Variants in TUSC3 observed in about 807,000 individuals in gnomAD.
TUSC3 encodes the protein tumor suppressor candidate 3.
A neutral mutation model predicts 44.8 loss-of-function variants in TUSC3; 45 were observed. That is an observed-to-expected ratio of 1.00 (90% CI 0.79 to 1.29). The LOEUF (loss-of-function observed/expected upper bound fraction) is 1.29, where lower values mean the gene tolerates loss of function less well. Among genes scored for constraint, TUSC3 ranks in the 50% most tolerant of loss-of-function variants. The pLI is 0.00. For synonymous variants in TUSC3, 212 were observed against 152.9 expected, an observed-to-expected ratio of 1.39 and a Z score of -2.85; for missense variants, 519 against 437.9, an observed-to-expected ratio of 1.19 and a Z score of -1.65.
intron 2 of TUSC3, among the ~76,000 whole-genome samples, chr8:15,525,815 A>C (rs1801366092): frequency 6.6e-6 from 1 of 152,164 alleles, no homozygotes; most frequent in South Asian, 2.1e-4. Context: ...CACAGGTGCA[A>C]AAGTGTGTGC....
the TUSC3 span, among the ~76,000 whole-genome samples, chr8:15,822,892 G>A: frequency 7.0e-3 from 1,059 of 152,210 alleles, 19 homozygotes; most frequent in African/African-American, 0.025. Flanking sequence ...GGGGGCAAAA[G>A]CTTGTTTGCA....
intron 8 of TUSC3, 127 bp from the exon 9 acceptor site, chr8:15,748,235 AATACCTGTTTGTT>A: frequency 1.4e-6 from 1 of 708,684 alleles, no homozygotes; most frequent in South Asian, 1.5e-5. Context: ...CCTGTATCCA[AATACCTGTTTGTT>A]GTACCTGTAT....
intron 1 of TUSC3, among the ~76,000 whole-genome samples, chr8:15,432,517 C>CTG (rs1184236285): frequency 6.6e-6 from 1 of 152,138 alleles, no homozygotes; most frequent in Non-Finnish European, 1.5e-5. Context: ...CTGATGCTTG[C>CTG]TCTCTCTGTT....
At chr8:15,495,731 AG>A (rs1800872288) in intron 2 of TUSC3, among the ~76,000 whole-genome samples, 1 of 152,136 alleles carries the variant, frequency 6.6e-6, no homozygotes, top group African/African-American at 2.4e-5. Flanking sequence ...CTCTTCCTGG[AG>A]TCAGTGGGCT....
At chr8:15,618,854 G>A (rs941548138) in intron 1 of TUSC3, among the ~76,000 whole-genome samples, 4 of 152,086 alleles carry the variant, frequency 2.6e-5, no homozygotes, top group Admixed American at 1.3e-4. Flanking sequence ...GTGTTACCAC[G>A]GCTGCCCTTC....
chr8:15,758,016 T>C (rs1275334830), intron 10 of TUSC3, 161 bp downstream of exon 10: 13 of 1,427,102 alleles, frequency 9.1e-6, no homozygotes, highest in Admixed American at 2.8e-5. Context: ...CATTATTATG[T>C]TTATCTGCCA....
At chr8:15,458,299 C>G (rs965140418) in intron 1 of TUSC3, among the ~76,000 whole-genome samples, 2 of 152,072 alleles carry the variant, frequency 1.3e-5, no homozygotes, top group Non-Finnish European at 2.9e-5. Flanking sequence ...GGTACAGTGA[C>G]GTGCTCACAG....
chr8:15,838,453 A>G, the TUSC3 span, among the ~76,000 whole-genome samples: 3 of 152,092 alleles, frequency 2.0e-5, no homozygotes, highest in Non-Finnish European at 4.4e-5. Flanking sequence ...ACCTTCTACC[A>G]TTACCCCTCT....
chr8:15,557,145 G>C (rs1306490454), intron 1 of TUSC3, among the ~76,000 whole-genome samples: 2 of 46,436 alleles, frequency 4.3e-5, no homozygotes, highest in Non-Finnish European at 7.8e-5. Context: ...TAGGTCTAAC[G>C]TTTAAGTCTT....
chr8:15,826,113 A>G, the TUSC3 span, among the ~76,000 whole-genome samples: 10 of 152,124 alleles, frequency 6.6e-5, no homozygotes, highest in Non-Finnish European at 7.4e-5. Flanking sequence ...TTTCCAGTGC[A>G]TAAATATGAT....
At chr8:15,636,018 A>C (rs1329170593) in intron 2 of TUSC3, among the ~76,000 whole-genome samples, 2 of 152,180 alleles carry the variant, frequency 1.3e-5, no homozygotes, top group Admixed American at 6.5e-5. Flanking sequence ...CAAGTGGCAG[A>C]TGATATGGTT....
chr8:15,801,205 C>T, the TUSC3 span, among the ~76,000 whole-genome samples: 1 of 152,218 alleles, frequency 6.6e-6, no homozygotes, highest in Admixed American at 6.5e-5. Context: ...GTGGATTACG[C>T]ACGCCTCTCC....
At chr8:15,784,324 T>A in the TUSC3 span, among the ~76,000 whole-genome samples, 1 of 152,108 alleles carries the variant, frequency 6.6e-6, no homozygotes, top group African/African-American at 2.4e-5. Flanking sequence ...TATCCAGCAC[T>A]CCTACTTGTG....
intron 2 of TUSC3, among the ~76,000 whole-genome samples, chr8:15,533,618 G>A (rs768476540): frequency 6.6e-6 from 1 of 152,150 alleles, no homozygotes; most frequent in East Asian, 1.9e-4. Flanking sequence ...AGTTAAAGAA[G>A]AGAGAAACAT....
the TUSC3 span, among the ~76,000 whole-genome samples, chr8:15,831,047 G>C: frequency 6.6e-6 from 1 of 152,120 alleles, no homozygotes; most frequent in African/African-American, 2.4e-5. Flanking sequence ...CCACCCATCA[G>C]TGTGGAAACC....
rs139108254 is a variant in TUSC3, at chr8:15,450,594, C to T, written n.92-32792C>T. The stretch of plus-strand genomic sequence containing the variant: ...CTGAGGCAGGAGAATAGCTTGAACC[C>T]GGGCGGCAGAGGTTACGGTGAGCCA... On this transcript the variant is annotated intron_variant and non_coding_transcript_variant, in intron 1 of 5. Coordinates refer to the TUSC3 transcript ENST00000503191. 3.5e-3 allele frequency among the ~76,000 whole-genome samples: 527 copies of T among 152,178 alleles called. 4 individuals carry two copies. The highest frequency in any genetic ancestry group is 6.8e-3 in the Admixed American group (104 of 15,286).
At chr8:15,724,091 A>G (rs1810407910) in intron 6 of TUSC3, among the ~76,000 whole-genome samples, 2 of 152,108 alleles carry the variant, frequency 1.3e-5, no homozygotes, top group African/African-American at 4.8e-5. Context: ...CCTTATAAGT[A>G]GAGGAAAGTA....
At chr8:15,497,325 A>G (rs1034812888) in intron 2 of TUSC3, among the ~76,000 whole-genome samples, 1 of 152,136 alleles carries the variant, frequency 6.6e-6, no homozygotes, top group African/African-American at 2.4e-5. Flanking sequence ...ACACAATAGA[A>G]GAGACATATC....
chr8:15,781,549 G>A, the TUSC3 span, among the ~76,000 whole-genome samples: 3 of 152,030 alleles, frequency 2.0e-5, no homozygotes, highest in Non-Finnish European at 4.4e-5. Context: ...CAGAAACCTT[G>A]CAGGCCAGAA....
Sources: allele counts gnomAD v4.1 joint callset (sites outside exome capture counted in the v4.1 genomes callset), GRCh38; gene constraint gnomAD v4.1.1; transcripts MANE v1.5; gene names NCBI Gene and HGNC (gene_info 2026-07-23, HGNC 2026-07-21).